The following GAS7 variants were observed in gnomAD, a reference collection of about 807,000 sequenced individuals.
The protein encoded by GAS7 is growth arrest-specific protein 7.
In GAS7, 28 loss-of-function variants were observed where a neutral mutation model predicts 71.1. The observed-to-expected ratio is 0.39, with a 90% confidence interval of 0.29 to 0.54. The LOEUF (loss-of-function observed/expected upper bound fraction) is 0.54, where lower values mean the gene tolerates loss of function less well. Ranked by LOEUF, GAS7 falls within the 20% of genes least tolerant of loss-of-function variation. The pLI, the probability that GAS7 is intolerant of heterozygous loss-of-function variation, is 0.62. For synonymous variants in GAS7, 258 were observed against 245.8 expected, an observed-to-expected ratio of 1.05 and a Z score of -0.46; for missense variants, 436 against 627.8, an observed-to-expected ratio of 0.69 and a Z score of 3.27.
chr17:10,095,681 A>G lies in GAS7; in HGVS notation c.184-75784T>C, dbSNP rs1053089276. Among the ~76,000 whole-genome samples, 5 of 151,606 alleles carry G rather than the reference A, an allele frequency of 3.3e-5. No individual in the cohort carries two copies. The East Asian group carries it at 7.8e-4, about 24-fold the overall frequency. ...CCAAAAATACAAAAATTAGCTGGGC[A>G]TGGTGGTGCATGCCTGTAATCCCAG... On this transcript the variant is annotated intron_variant, in intron 1 of 13. Coordinates refer to ENST00000432992, the MANE Select transcript of GAS7 (RefSeq NM_201433.2).
At chr17:9,985,514 T>C (rs1468713672) in intron 2 of GAS7, among the ~76,000 whole-genome samples, 1 of 152,196 alleles carries the variant, frequency 6.6e-6, no homozygotes, top group East Asian at 1.9e-4. Context: ...TCATCAAGTC[T>C]CAACTAAAAT....
chr17:10,017,128 CTAAAAAAATAAATAAA>C lies in GAS7; in HGVS notation c.304+2633_304+2648del, dbSNP rs369058989. ...CCTGGGCAACAGAGTGAGACCCTGT[CTAAAAAAATAAATAAA>C]TAAATAAATAAATAAATAAATAAAT... On this transcript the variant is annotated intron_variant, in intron 2 of 13. Coordinates refer to ENST00000432992, the MANE Select transcript of GAS7 (RefSeq NM_201433.2). Among the ~76,000 whole-genome samples, 679 of 133,660 alleles carry C rather than the reference CTAAAAAAATAAATAAA, an allele frequency of 5.1e-3. 8 individuals carry two copies. Among genetic ancestry groups the C allele is most frequent in the African/African-American group, 0.018 (648 of 36,958 alleles). 87.7% of individuals were successfully genotyped at this position (133,660 alleles called of 152,430 possible).
At chr17:10,111,308 G>A (rs1395076228) in intron 1 of GAS7, among the ~76,000 whole-genome samples, 8 of 74 alleles carry the variant, frequency 0.11, no homozygotes, top group African/African-American at 0.36. Context: ...GCCGAGGTGG[G>A]CGGATGATGG....
intron 1 of GAS7, among the ~76,000 whole-genome samples, chr17:10,180,990 C>A (rs1267223606): frequency 6.9e-6 from 1 of 144,890 alleles, no homozygotes; most frequent in Non-Finnish European, 1.5e-5. Context: ...TGGGTGGCAA[C>A]AAAATTCCAA....
In GAS7 at chr17:9,969,865, G is replaced by T; in HGVS notation, c.386-103C>A. 1 of 758,916 alleles carries T rather than the reference G, an allele frequency of 1.3e-6. No homozygotes were observed. 47.0% of individuals were successfully genotyped at this position (758,916 alleles called of 1,614,324 possible). A position where few individuals can be genotyped will look rare whatever the true frequency, so the allele number is the denominator to read the frequency against. Reference sequence around the variant, plus strand: ...TTTTCCCACCTCCTTCCTTGGCTCTGAGAGGTCTTGCGTGGCGAAGACCAT... The same window carrying T: ...TTTTCCCACCTCCTTCCTTGGCTCTTAGAGGTCTTGCGTGGCGAAGACCAT... On this transcript the variant is annotated intron_variant, in intron 3 of 13. Transcript: ENST00000432992. This position sits in a 1 kb window ranked among gnomAD's most constrained non-coding sequence, Gnocchi z 5.5.
chr17:10,036,493 T>C, intron 1 of GAS7: 3 of 1,613,276 alleles, frequency 1.9e-6, no homozygotes, highest in South Asian at 2.2e-5. Context: ...TCTTGGGTCC[T>C]GCCTGAAGCC....
chr17:9,959,515 C>T lies in GAS7; in HGVS notation c.472-260G>A, dbSNP rs570545987. ...AGAACTGCTCCAAACCAGGTCTCCC[C>T]TCCTCTTCTCTCAGTCTGTGATTTG... On this transcript the variant is annotated intron_variant, in intron 4 of 13. Transcript: ENST00000432992. The surrounding 1 kb of genome is among the most constrained non-coding windows in gnomAD (Gnocchi z 5.0). 118 of 1,232,068 alleles carry T rather than the reference C, an allele frequency of 9.6e-5. 1 individual carries two copies. In the South Asian group the frequency reaches 2.2e-3, roughly 23 times the overall value. The allele number at this position is 1,232,068 out of a possible 1,614,324, so 76.3% of individuals were successfully genotyped here. A position where few individuals can be genotyped will look rare whatever the true frequency, so the allele number is the denominator to read the frequency against.
chr17:10,068,859 C>T (rs1483181177), intron 1 of GAS7, among the ~76,000 whole-genome samples: 2 of 152,082 alleles, frequency 1.3e-5, no homozygotes, highest in Non-Finnish European at 2.9e-5. Flanking sequence ...GAAAACCAGG[C>T]GCAAGTTCAG....
chr17:10,163,578 T>A (rs1200444786), intron 1 of GAS7, among the ~76,000 whole-genome samples: 1 of 152,210 alleles, frequency 6.6e-6, no homozygotes, highest in Non-Finnish European at 1.5e-5. Context: ...ATATTTTAAA[T>A]TAGTACCTCC....
intron 1 of GAS7, among the ~76,000 whole-genome samples, chr17:10,187,266 G>A (rs1016731146): frequency 2.0e-5 from 3 of 152,086 alleles, no homozygotes; most frequent in Admixed American, 6.5e-5. Flanking sequence ...GAGGTCTTGC[G>A]GCTTTGGACC....
intron 1 of GAS7, among the ~76,000 whole-genome samples, chr17:10,131,354 G>A (rs576588004): frequency 1.3e-5 from 2 of 152,286 alleles, no homozygotes; most frequent in South Asian, 4.1e-4. Flanking sequence ...AGGGTGTGGT[G>A]GCTCACGCCT....
chr17:9,961,232 AG>A (rs1226248549), intron 4 of GAS7, among the ~76,000 whole-genome samples: 3 of 152,182 alleles, frequency 2.0e-5, no homozygotes, highest in Non-Finnish European at 2.9e-5. Context: ...AGACATTTTT[AG>A]TGCATCATCT....
At chr17:9,971,611 C>A (rs1201529932) in intron 3 of GAS7, among the ~76,000 whole-genome samples, 2 of 152,116 alleles carry the variant, frequency 1.3e-5, no homozygotes, top group Non-Finnish European at 2.9e-5. Flanking sequence ...AAGGTCTTTG[C>A]TTTTGTTCCT....
At chr17:10,047,432 G>A (rs1055241968) in intron 1 of GAS7, among the ~76,000 whole-genome samples, 6 of 152,210 alleles carry the variant, frequency 3.9e-5, no homozygotes, top group Admixed American at 6.5e-5. Flanking sequence ...CCCCCAAGCC[G>A]ACAGTGTGCC....
chr17:10,014,690 C>T lies in GAS7; in HGVS notation c.304+5087G>A, dbSNP rs577155533. On this transcript the variant is annotated intron_variant, in intron 2 of 13. Coordinates refer to ENST00000432992, the MANE Select transcript of GAS7 (RefSeq NM_201433.2). Reference sequence around the variant, plus strand: ...TCCCTTCCTCGAGCCCCCAGATTTCCACACGAATACCTGTAACACTTATAG... The same window carrying T: ...TCCCTTCCTCGAGCCCCCAGATTTCTACACGAATACCTGTAACACTTATAG... 2.0e-5 allele frequency among the ~76,000 whole-genome samples: 3 copies of T among 152,250 alleles called. No individual in the cohort carries two copies. In the East Asian group the frequency reaches 5.8e-4, roughly 29 times the overall value.
chr17:9,925,875 AGACTGGG>A (rs1442343775), intron 10 of GAS7, among the ~76,000 whole-genome samples: 1 of 152,170 alleles, frequency 6.6e-6, no homozygotes, highest in African/African-American at 2.4e-5. Flanking sequence ...GCCTGTACAA[AGACTGGG>A]GACCTAGGCA....
At chr17:10,081,971 C>T (rs1207271527) in intron 1 of GAS7, among the ~76,000 whole-genome samples, 2 of 152,286 alleles carry the variant, frequency 1.3e-5, no homozygotes, top group South Asian at 2.1e-4. Flanking sequence ...AAGCATTACA[C>T]CATTGCTTAG....
intron 1 of GAS7, among the ~76,000 whole-genome samples, chr17:10,140,744 G>C (rs542999474): frequency 6.6e-6 from 1 of 152,212 alleles, no homozygotes; most frequent in Non-Finnish European, 1.5e-5. Flanking sequence ...CATGGAGTGG[G>C]AGTGTCCCTA....
At chr17:10,086,908 C>A (rs977166611) in intron 1 of GAS7, among the ~76,000 whole-genome samples, 1 of 152,164 alleles carries the variant, frequency 6.6e-6, no homozygotes, top group Non-Finnish European at 1.5e-5. Flanking sequence ...GCCAAAGCAA[C>A]CCCAGTGTCC....
Sources: gnomAD v4.1 joint callset for allele counts (sites outside exome capture counted in the v4.1 genomes callset) on GRCh38, gnomAD v4.1.1 for gene constraint, Gnocchi (gnomAD v3.1) non-coding constraint, MANE v1.5 for transcripts, NCBI Gene and HGNC (gene_info 2026-07-23, HGNC 2026-07-21) for gene names.